The following PCDHA8 variants were observed in gnomAD, a reference collection of about 807,000 sequenced individuals.
PCDHA8 encodes the protein protocadherin alpha-8.
A neutral mutation model predicts 61.8 loss-of-function variants in PCDHA8; 53 were observed. The observed-to-expected ratio is 0.86, with a 90% confidence interval of 0.69 to 1.08. PCDHA8 has a LOEUF of 1.08. PCDHA8 is among the 50% of genes least tolerant of loss of function. PCDHA8 has a pLI of 0.00. For synonymous variants in PCDHA8, 618 were observed against 556.6 expected, an observed-to-expected ratio of 1.11 and a Z score of -1.55; for missense variants, 1,293 against 1,245.0, an observed-to-expected ratio of 1.04 and a Z score of -0.58.
At chr5:140,927,782 C>T (rs550993125) in intron 1 of PCDHA8, 50 of 1,614,098 alleles carry the variant, frequency 3.1e-5, no homozygotes, top group South Asian at 2.2e-4. Context: ...CAAGTAGCTG[C>T]TTCACTAGGT....
intron 3 of PCDHA8, among the ~76,000 whole-genome samples, chr5:141,000,552 C>T (rs2097946627): frequency 1.3e-5 from 2 of 149,102 alleles, no homozygotes; most frequent in Admixed American, 1.3e-4. Context: ...CTCAAACTCC[C>T]GAGTAGCTGG....
At chr5:140,899,111 A>G (rs2067143820) in intron 1 of PCDHA8, among the ~76,000 whole-genome samples, 1 of 152,186 alleles carries the variant, frequency 6.6e-6, no homozygotes, top group Admixed American at 6.5e-5. Context: ...GGGGTTTTCT[A>G]GATATACAAT....
chr5:140,937,606 TACTC>T (rs1186588675), intron 1 of PCDHA8, among the ~76,000 whole-genome samples: 2 of 123,664 alleles, frequency 1.6e-5, no homozygotes, highest in Non-Finnish European at 3.5e-5. Context: ...AACAGAGTGA[TACTC>T]CATCTAAAAA....
intron 1 of PCDHA8, among the ~76,000 whole-genome samples, chr5:140,947,198 TA>T (rs1554218091): frequency 1.3e-5 from 2 of 151,312 alleles, no homozygotes; most frequent in African/African-American, 4.8e-5. Flanking sequence ...TACACAGCCT[TA>T]AAAAAAGAAA....
chr5:140,921,440 G>C (rs1026829665), intron 1 of PCDHA8, among the ~76,000 whole-genome samples: 1 of 152,056 alleles, frequency 6.6e-6, no homozygotes, highest in South Asian at 2.1e-4. Flanking sequence ...CTTCAATGGT[G>C]TCTGAAAAGG....
chr5:140,947,107 G>A (rs1041048233), intron 1 of PCDHA8, among the ~76,000 whole-genome samples: 12 of 151,202 alleles, frequency 7.9e-5, no homozygotes, highest in South Asian at 4.2e-4. Flanking sequence ...AAATAGGTAC[G>A]TGTCAATTAA....
chr5:140,846,341 GC>G (rs1780334025), intron 1 of PCDHA8, among the ~76,000 whole-genome samples: 1 of 144,650 alleles, frequency 6.9e-6, no homozygotes, highest in Non-Finnish European at 1.5e-5. Flanking sequence ...CTTTTAAAGT[GC>G]TTTCTCTTTT....
At chr5:140,856,980 A>G in intron 1 of PCDHA8, 1 of 1,594,908 alleles carries the variant, frequency 6.3e-7, no homozygotes, top group African/African-American at 1.3e-5. Context: ...GACTTTGAGG[A>G]CAGTAACACT....
At chr5:140,871,654 A>G in intron 1 of PCDHA8, 3 of 1,238,202 alleles carry the variant, frequency 2.4e-6, no homozygotes, top group East Asian at 2.6e-5. Context: ...CAAATGATAC[A>G]CATCTTCAGT....
At chr5:140,857,792 C>A (rs368399538) in intron 1 of PCDHA8, 3 of 1,597,430 alleles carry the variant, frequency 1.9e-6, no homozygotes, top group Non-Finnish European at 1.7e-6. Flanking sequence ...GCTGGTGCTG[C>A]GGTCGGTGGT....
chr5:140,851,076 A>C (rs782314087), intron 1 of PCDHA8: 1 of 1,337,516 alleles, frequency 7.5e-7, no homozygotes, highest in Non-Finnish European at 9.8e-7. Flanking sequence ...AGAATTATAA[A>C]CTGTATATTA....
rs1005130215 is a variant in PCDHA8 at position 140,976,643 on chromosome 5, A to G, written c.2395-2306A>G. On this transcript the variant is annotated intron_variant, in intron 1 of 3. Coordinates refer to ENST00000531613, the MANE Select transcript of PCDHA8 (RefSeq NM_018911.3). ...AGCTGAACTCAGCAATCAGACAAGT[A>G]ATTTAATCTCTCCAAAGTTCAGATG... Among the ~76,000 whole-genome samples the G allele has an allele frequency of 2.0e-5, 3 of 152,236 alleles. No homozygotes were observed. In the South Asian group the frequency reaches 6.2e-4, roughly 31 times the overall value.
intron 1 of PCDHA8, chr5:140,856,830 T>C (rs1554149191): frequency 2.5e-6 from 4 of 1,592,726 alleles, no homozygotes; most frequent in Non-Finnish European, 3.4e-6. Context: ...ACATTAGTAA[T>C]ACGGCTCAAC....
At chr5:140,974,108 C>A (rs977903039) in intron 1 of PCDHA8, among the ~76,000 whole-genome samples, 3 of 152,182 alleles carry the variant, frequency 2.0e-5, no homozygotes, top group African/African-American at 7.2e-5. Flanking sequence ...TAAAAGTATT[C>A]TTTTGCAGTG....
At chr5:140,886,288 A>G (rs1227734409) in intron 1 of PCDHA8, among the ~76,000 whole-genome samples, 4 of 151,870 alleles carry the variant, frequency 2.6e-5, no homozygotes, top group Middle Eastern at 3.2e-3. Flanking sequence ...AATTATTTTT[A>G]TATTTATTTA....
At position 140,841,290 on chromosome 5, in the gene PCDHA8, T is replaced by C. The variant is rs2150312636; in HGVS notation, c.-32T>C. 1 of 1,558,300 alleles carries C rather than the reference T, an allele frequency of 6.4e-7. No homozygotes were observed. Reference sequence around the variant, plus strand: ...ACAGTCGTTCATCTTTATATTAAGATAATATTTTCTGATAGGAAACGACTA... The same window carrying C: ...ACAGTCGTTCATCTTTATATTAAGACAATATTTTCTGATAGGAAACGACTA... On this transcript the variant is annotated 5_prime_UTR_variant, in exon 1 of 4. Coordinates refer to ENST00000531613, the MANE Select transcript of PCDHA8 (RefSeq NM_018911.3).
intron 1 of PCDHA8, among the ~76,000 whole-genome samples, chr5:140,951,019 G>A (rs555662052): frequency 2.0e-5 from 3 of 152,114 alleles, no homozygotes; most frequent in African/African-American, 7.2e-5. Context: ...ATCAGGCAGT[G>A]AGTTTTAATT....
In PCDHA8 at chr5:140,848,285, C is replaced by A. The variant is rs2150408028; in HGVS notation, c.2394+4570C>A. On this transcript the variant is annotated intron_variant, in intron 1 of 3. Coordinates refer to ENST00000531613, the MANE Select transcript of PCDHA8 (RefSeq NM_018911.3). ...TTTATTCATGAAATATGTACTTACA[C>A]TTTGGGCCACGTGATGTCACTCTTT... 1.5e-5 allele frequency: 9 copies of A among 616,904 alleles called. 3 individuals are homozygous for A. The highest frequency in any genetic ancestry group is 2.6e-5 in the Non-Finnish European group (9 of 351,312). 38.2% of individuals were successfully genotyped at this position (616,904 alleles called of 1,614,324 possible).
intron 1 of PCDHA8, among the ~76,000 whole-genome samples, chr5:140,879,169 T>C (rs2057884518): frequency 6.6e-6 from 1 of 152,156 alleles, no homozygotes; most frequent in Non-Finnish European, 1.5e-5. Flanking sequence ...TTTTAATAAA[T>C]TAGGTATCAA....
Sources: gnomAD v4.1 joint callset for allele counts (sites outside exome capture counted in the v4.1 genomes callset) on GRCh38, gnomAD v4.1.1 for gene constraint, MANE v1.5 for transcripts, NCBI Gene and HGNC (gene_info 2026-07-23, HGNC 2026-07-21) for gene names.